The following MECOM variants were observed in gnomAD, a reference collection of about 807,000 sequenced individuals.
MECOM encodes the protein MDS1 and EVI1 complex locus.
A neutral mutation model predicts 116.3 loss-of-function variants in MECOM; 13 were observed. The observed-to-expected ratio is 0.11, with a 90% confidence interval of 0.07 to 0.18. The LOEUF (loss-of-function observed/expected upper bound fraction) is 0.18, where lower values mean the gene tolerates loss of function less well. Among genes scored for constraint, MECOM ranks in the 10% least tolerant of loss-of-function variants. The pLI is 1.00. For missense variants in MECOM, 1,299 were observed against 1,509.0 expected, an observed-to-expected ratio of 0.86 and a Z score of 2.31; for synonymous variants, 528 against 535.2, an observed-to-expected ratio of 0.99 and a Z score of 0.19.
intron 2 of MECOM, among the ~76,000 whole-genome samples, chr3:169,298,782 C>T (rs919348170): frequency 8.5e-5 from 13 of 152,158 alleles, no homozygotes; most frequent in East Asian, 1.9e-4. Flanking sequence ...CTCCCCTGTA[C>T]GCACGGGGAA....
intron 1 of MECOM, among the ~76,000 whole-genome samples, chr3:169,430,064 T>C (rs528663745): frequency 6.6e-6 from 1 of 152,338 alleles, no homozygotes; most frequent in South Asian, 2.1e-4. Context: ...AGAATGTTCA[T>C]TGATGCCTTC....
intron 3 of MECOM, among the ~76,000 whole-genome samples, chr3:169,142,710 G>C (rs1009819651): frequency 2.0e-5 from 3 of 151,890 alleles, no homozygotes; most frequent in African/African-American, 7.2e-5. Flanking sequence ...CTGGTACGAT[G>C]CCAAAGAATA....
At chr3:169,583,029 G>A (rs918955146) in intron 1 of MECOM, among the ~76,000 whole-genome samples, 8 of 152,224 alleles carry the variant, frequency 5.3e-5, no homozygotes, top group African/African-American at 1.9e-4. Flanking sequence ...ACATGGCACA[G>A]AGGAAATTGT....
intron 2 of MECOM, among the ~76,000 whole-genome samples, chr3:169,149,050 C>T (rs1740650037): frequency 6.6e-6 from 1 of 151,468 alleles, no homozygotes; most frequent in South Asian, 2.1e-4. Context: ...TCCTGCCCTC[C>T]CTCAACTTGC....
rs117404908 is a variant in MECOM at position 169,502,277 on chromosome 3, A to T, written c.38-120753T>A. Among the ~76,000 whole-genome samples the T allele has an allele frequency of 1.8e-3, 271 of 152,242 alleles. 7 individuals are homozygous for T. The East Asian group carries it at 0.047, about 27-fold the overall frequency. ...CTTTCTGTGAACTTGATGCTTGCAC[A>T]GAGAAATAAAGATACAAAAAATATT... On this transcript the variant is annotated intron_variant, in intron 1 of 16. Coordinates refer to ENST00000651503, the MANE Select transcript of MECOM (RefSeq NM_004991.4).
intron 2 of MECOM, among the ~76,000 whole-genome samples, chr3:169,189,393 C>T (rs577688261): frequency 6.6e-6 from 1 of 151,944 alleles, no homozygotes; most frequent in Non-Finnish European, 1.5e-5. Flanking sequence ...CTCCTTGAGT[C>T]CCCAAACTCC....
intron 2 of MECOM, among the ~76,000 whole-genome samples, chr3:169,258,387 A>C (rs1270421322): frequency 1.3e-5 from 2 of 152,206 alleles, no homozygotes; most frequent in Non-Finnish European, 2.9e-5. Context: ...ACAGTTTGGA[A>C]ACTGAAGCCC....
At chr3:169,170,612 T>A (rs924939011) in intron 2 of MECOM, among the ~76,000 whole-genome samples, 3 of 152,008 alleles carry the variant, frequency 2.0e-5, no homozygotes, top group Non-Finnish European at 2.9e-5. Flanking sequence ...AGAACTATGT[T>A]TTTTTTCTCT....
intron 2 of MECOM, among the ~76,000 whole-genome samples, chr3:169,371,785 C>T (rs1296507530): frequency 6.6e-6 from 1 of 151,908 alleles, no homozygotes; most frequent in Non-Finnish European, 1.5e-5. Context: ...ATTTGTCAGC[C>T]TCCTGATGCT....
At chr3:169,580,232 T>A (rs1050126105) in intron 1 of MECOM, among the ~76,000 whole-genome samples, 5 of 152,180 alleles carry the variant, frequency 3.3e-5, no homozygotes, top group African/African-American at 1.2e-4. Flanking sequence ...GCAATTTTTT[T>A]AATTTCAATA....
intron 2 of MECOM, among the ~76,000 whole-genome samples, chr3:169,340,618 TA>T (rs1724340354): frequency 6.6e-6 from 1 of 152,202 alleles, no homozygotes; most frequent in African/African-American, 2.4e-5. Flanking sequence ...AGATGGCAGT[TA>T]ATCACTGGAT....
At chr3:169,174,969 G>A (rs1744930224) in intron 2 of MECOM, among the ~76,000 whole-genome samples, 1 of 149,610 alleles carries the variant, frequency 6.7e-6, no homozygotes, top group Non-Finnish European at 1.5e-5. Flanking sequence ...GGTACCTATT[G>A]ATTGCCTTTT....
Position 169,561,272 on chromosome 3 carries a change from A to G in MECOM, c.37+102064T>C, listed in dbSNP as rs1297082827. ...CCTGGTAACATCTAATAAAGCACAT[A>G]AGAGTCACAACAATGTTCATTGTGA... On this transcript the variant is annotated intron_variant, in intron 1 of 16. Coordinates refer to ENST00000651503, the MANE Select transcript of MECOM (RefSeq NM_004991.4). Among the ~76,000 whole-genome samples, 6 of 152,138 alleles carry G rather than the reference A, an allele frequency of 3.9e-5. 1 individual carries two copies. The highest frequency in any genetic ancestry group is 1.2e-4 in the African/African-American group (5 of 41,446).
intron 1 of MECOM, among the ~76,000 whole-genome samples, chr3:169,403,832 T>G (rs547260606): frequency 1.3e-5 from 2 of 152,354 alleles, no homozygotes; most frequent in East Asian, 3.9e-4. Flanking sequence ...GTAATTCTAT[T>G]AACCCTCTGA....
At chr3:169,503,293 G>C (rs1251638060) in intron 1 of MECOM, among the ~76,000 whole-genome samples, 1 of 152,058 alleles carries the variant, frequency 6.6e-6, no homozygotes, top group Admixed American at 6.6e-5. Flanking sequence ...CCAATTCCCA[G>C]AGGCTTAGAC....
chr3:169,104,636 C>CTCAG (rs1724718958), intron 10 of MECOM, among the ~76,000 whole-genome samples: 1 of 152,310 alleles, frequency 6.6e-6, no homozygotes, highest in East Asian at 1.9e-4. Flanking sequence ...TGCTGACATA[C>CTCAG]TCAGACTCCT....
intron 1 of MECOM, among the ~76,000 whole-genome samples, chr3:169,629,239 T>C (rs778070147): frequency 1.6e-4 from 24 of 152,108 alleles, no homozygotes; most frequent in Non-Finnish European, 2.8e-4. Flanking sequence ...ATTTTACATT[T>C]TTTAAATGTC....
chr3:169,145,186 A>AGAAAT (rs1739464207), intron 2 of MECOM: 1 of 84,550 alleles, frequency 1.2e-5, no homozygotes, highest in African/African-American at 3.2e-4. Context: ...ACACACACAC[A>AGAAAT]CACAGAGAGA....
chr3:169,344,289 T>C (rs917146897), intron 2 of MECOM, among the ~76,000 whole-genome samples: 2 of 152,176 alleles, frequency 1.3e-5, no homozygotes, highest in African/African-American at 2.4e-5. Flanking sequence ...AGTTGTAATA[T>C]AGTGAGGGGT....
Sources: allele counts gnomAD v4.1 joint callset (sites outside exome capture counted in the v4.1 genomes callset), GRCh38; gene constraint gnomAD v4.1.1; transcripts MANE v1.5; gene names NCBI Gene and HGNC (gene_info 2026-07-23, HGNC 2026-07-21).